Variants in RASAL2 observed in about 807,000 individuals in gnomAD.
RASAL2 encodes RAS protein activator like 2, also known as ras GTPase-activating protein nGAP.
RASAL2 carries 58 observed loss-of-function variants against 128.9 expected under a neutral mutation model. The observed-to-expected ratio is 0.45, with a 90% CI of 0.36 to 0.56. RASAL2 has a LOEUF of 0.56. Among genes scored for constraint, RASAL2 ranks in the 20% least tolerant of loss-of-function variants. The probability of loss-of-function intolerance (pLI) is 0.00; values close to 1 mark genes in which losing one functional copy is unlikely to be tolerated. For missense variants in RASAL2, 1,360 were observed against 1,601.6 expected (o/e 0.85, Z 2.57); for synonymous variants, 561 against 580.8 (o/e 0.97, Z 0.49).
At chr1:178,436,130 C>T (rs1362331869) in intron 5 of RASAL2, among the ~76,000 whole-genome samples, 1 of 152,038 alleles carries the variant, frequency 6.6e-6, no homozygotes, top group Non-Finnish European at 1.5e-5. Context: ...AATAATGCCT[C>T]CCCTGTCCCA....
intron 3 of RASAL2, among the ~76,000 whole-genome samples, chr1:178,322,721 T>G (rs1668850385): frequency 1.3e-5 from 2 of 152,218 alleles, no homozygotes; most frequent in African/African-American, 4.8e-5. Flanking sequence ...TTTGTCATCT[T>G]AGAGCACTAA....
rs1259963353 is a variant in RASAL2, at chr1:178,452,431, G to A, written c.1788G>A (p.Glu596=). ...CCTTCCCTAGTGTTTTCCCTCGTGA[G>A]TTGAAAGAAGTGTTTGCATCATGGA... ...IINSYCVFPR[E]LKEVFASWKQ... Residue 596 remains glutamate, a synonymous_variant, in exon 11 of 18, where the codon GAG becomes GAA. Transcript: ENST00000367649. 6.2e-7 allele frequency: 1 copy of A among 1,613,854 alleles called. No individual in the cohort carries two copies. Among genetic ancestry groups the A allele is most frequent in the Non-Finnish European group, 8.5e-7 (1 of 1,179,874 alleles).
intron 8 of RASAL2, 61 bp from the exon 9 acceptor site, chr1:178,445,455 GTC>G: frequency 2.0e-6 from 3 of 1,467,106 alleles, no homozygotes; most frequent in Non-Finnish European, 2.7e-6. Flanking sequence ...TATTTCAAAA[GTC>G]TCTTCTAATG....
At chr1:178,203,405 G>A (rs1217986903) in intron 1 of RASAL2, among the ~76,000 whole-genome samples, 1 of 152,142 alleles carries the variant, frequency 6.6e-6, no homozygotes, top group Non-Finnish European at 1.5e-5. Context: ...GGCAAGGCTG[G>A]GGCAGAGTTC....
At chr1:178,435,276 T>C (rs2102814087) in intron 5 of RASAL2, among the ~76,000 whole-genome samples, 1 of 152,242 alleles carries the variant, frequency 6.6e-6, no homozygotes, top group Admixed American at 6.5e-5. Context: ...CCAAGCCTCA[T>C]TGGAGCTGTG....
chr1:178,441,629 G>T lies in RASAL2; in HGVS notation c.909G>T (p.Arg303Ser). Reference sequence around the variant, plus strand: ...ACAAGTGGATGGAAAACCTTCGCAGGACAGTTCAACCTAATAAGGTAATAG... The same window carrying T: ...ACAAGTGGATGGAAAACCTTCGCAGTACAGTTCAACCTAATAAGGTAATAG... ...ERDKWMENLR[R>S]TVQPNKDNCR... Residue 303 changes from arginine (R) to serine (S), a missense_variant, in exon 7 of 18, where the codon AGG (arginine) becomes AGT (serine). Around this residue, in one of 3 missense-constraint regions of RASAL2, gnomAD observed 617 missense variants for 714.2 expected, o/e 0.86. Transcript: ENST00000367649. The T allele has an allele frequency of 6.2e-7, 1 of 1,611,920 alleles. No individual in the cohort carries two copies. Among genetic ancestry groups the T allele is most frequent in the South Asian group, 1.1e-5 (1 of 90,990 alleles).
chr1:178,443,361 G>GA, intron 8 of RASAL2, 132 bp downstream of exon 8: 2 of 822,892 alleles, frequency 2.4e-6, no homozygotes, highest in Non-Finnish European at 3.6e-6. Flanking sequence ...GAATTAAGAA[G>GA]AAAACCTATT....
intron 1 of RASAL2, among the ~76,000 whole-genome samples, chr1:178,115,566 A>G (rs191398342): frequency 2.0e-4 from 30 of 152,366 alleles, no homozygotes; most frequent in African/African-American, 6.3e-4. Flanking sequence ...GTTAGCCAGC[A>G]TGGCAGCTTT....
intron 5 of RASAL2, among the ~76,000 whole-genome samples, chr1:178,438,887 G>C (rs955257970): frequency 0.015 from 1,685 of 113,930 alleles, 36 homozygotes; most frequent in African/African-American, 0.063. Context: ...GACTCTGTGT[G>C]TGTGTGTGTG....
chr1:178,386,080 G>A (rs1415572193), intron 3 of RASAL2, among the ~76,000 whole-genome samples: 1 of 152,204 alleles, frequency 6.6e-6, no homozygotes, highest in Non-Finnish European at 1.5e-5. Context: ...CAAAGGCAGT[G>A]TATACACTAT....
chr1:178,361,536 T>C (rs1671107097), intron 3 of RASAL2, among the ~76,000 whole-genome samples: 1 of 152,020 alleles, frequency 6.6e-6, no homozygotes, highest in South Asian at 2.1e-4. Flanking sequence ...TCTGCATATG[T>C]GTGGATTCAA....
At position 178,370,545 on chromosome 1, in the gene RASAL2, A is replaced by G. The variant is rs567240931; in HGVS notation, c.458-19555A>G. On this transcript the variant is annotated intron_variant, in intron 3 of 17. Transcript: ENST00000367649. ...TGAATTCATAATACCTTTTTCGACA[A>G]TTTTTATTTTCTCAATCGTGTGGTA... Among the ~76,000 whole-genome samples, 203 of 152,218 alleles carry G rather than the reference A, an allele frequency of 1.3e-3. 1 individual carries two copies. The highest frequency in any genetic ancestry group is 1.8e-3 in the Non-Finnish European group (125 of 68,012).
At chr1:178,244,542 A>G (rs1304979159) in intron 1 of RASAL2, among the ~76,000 whole-genome samples, 1 of 151,972 alleles carries the variant, frequency 6.6e-6, no homozygotes, top group Non-Finnish European at 1.5e-5. Context: ...TGCCCAGCCT[A>G]TTTCTTCTTT....
In RASAL2 at chr1:178,445,408, A is replaced by C. The variant is rs959226135; in HGVS notation, c.1483-110A>C. 1.9e-5 allele frequency: 23 copies of C among 1,226,552 alleles called. No homozygotes were observed. The East Asian group carries it at 5.8e-4, about 31-fold the overall frequency. 76.0% of individuals were successfully genotyped at this position (1,226,552 alleles called of 1,614,324 possible). A position where few individuals can be genotyped will look rare whatever the true frequency, so the allele number is the denominator to read the frequency against. ...TTTTTTCCTTTCAGATGAATCTGAT[A>C]GCTTTAGTTTTAAAGCAGCATTTCC... On this transcript the variant is annotated intron_variant, in intron 8 of 17. Transcript: ENST00000367649.
intron 1 of RASAL2, among the ~76,000 whole-genome samples, chr1:178,263,436 ATG>A (rs1484342572): frequency 7.9e-5 from 12 of 152,182 alleles, no homozygotes; most frequent in African/African-American, 2.9e-4. Flanking sequence ...CTAGAGTCAC[ATG>A]GCTGGCAAGT....
intron 1 of RASAL2, among the ~76,000 whole-genome samples, chr1:178,260,848 G>A (rs143586236): frequency 1.7e-4 from 26 of 152,246 alleles, no homozygotes; most frequent in African/African-American, 5.1e-4. Flanking sequence ...CCCATCAGTT[G>A]TAAGCTTATC....
chr1:178,428,043 CTT>C (rs74263839), intron 5 of RASAL2, among the ~76,000 whole-genome samples: 41 of 141,218 alleles, frequency 2.9e-4, no homozygotes, highest in Admixed American at 2.8e-4. Flanking sequence ...TTGAGATTGG[CTT>C]TTTTTTTTTT....
intron 1 of RASAL2, among the ~76,000 whole-genome samples, chr1:178,242,715 T>TA (rs1558136207): frequency 6.6e-6 from 1 of 152,106 alleles, no homozygotes; most frequent in Non-Finnish European, 1.5e-5. Flanking sequence ...TCTCTGGTGA[T>TA]ACAGATGTTG....
chr1:178,420,401 C>T (rs1383968877), intron 4 of RASAL2, 110 bp from the exon 5 acceptor site: 1 of 603,288 alleles, frequency 1.7e-6, no homozygotes, highest in Non-Finnish European at 2.7e-6. Context: ...AAGCTAGTTT[C>T]TATTTCTGGT....
Sources: gnomAD v4.1 joint callset for allele counts (sites outside exome capture counted in the v4.1 genomes callset) on GRCh38, gnomAD v4.1.1 for gene constraint, gnomAD v4.1.1 regional missense constraint, MANE v1.5 for transcripts, NCBI Gene and HGNC (gene_info 2026-07-23, HGNC 2026-07-21) for gene names.